FHIT: variants seen among roughly 807,000 people sequenced by gnomAD.
FHIT encodes the protein fragile histidine triad diadenosine triphosphatase.
A neutral mutation model predicts 17.9 loss-of-function variants in FHIT; 19 were observed. The ratio of observed to expected loss-of-function variants is 1.06; its 90% confidence interval spans 0.74 to 1.56. The LOEUF (loss-of-function observed/expected upper bound fraction) is 1.56. Ranked by LOEUF, FHIT falls within the 40% of genes most tolerant of loss-of-function variation. The probability of loss-of-function intolerance (pLI) is 0.00; values close to 1 mark genes in which losing one functional copy is unlikely to be tolerated. For missense variants in FHIT, 248 were observed against 189.2 expected, an observed-to-expected ratio of 1.31 and a Z score of -1.82; for synonymous variants, 81 against 69.7, an observed-to-expected ratio of 1.16 and a Z score of -0.81.
chr3:60,013,510 T>C (rs1700218997), intron 6 of FHIT, among the ~76,000 whole-genome samples: 1 of 152,210 alleles, frequency 6.6e-6, no homozygotes, highest in South Asian at 2.1e-4. Flanking sequence ...GGGGATCTGA[T>C]TTCTTCACTG....
At chr3:60,912,050 C>T (rs1553766017) in intron 3 of FHIT, among the ~76,000 whole-genome samples, 1 of 93,756 alleles carries the variant, frequency 1.1e-5, no homozygotes, top group Admixed American at 9.3e-5. Context: ...CACACACACA[C>T]ACATACACAC....
intron 2 of FHIT, among the ~76,000 whole-genome samples, chr3:61,103,525 A>G (rs898256354): frequency 1.3e-5 from 2 of 152,164 alleles, no homozygotes; most frequent in African/African-American, 4.8e-5. Flanking sequence ...AAGAATGTAT[A>G]TTCTGTTGAT....
chr3:60,568,978 CTTT>C (rs11370343), intron 4 of FHIT, among the ~76,000 whole-genome samples: 4 of 146,292 alleles, frequency 2.7e-5, no homozygotes, highest in East Asian at 4.0e-4. Context: ...GCTAGAGATT[CTTT>C]TTTTTTTTTT....
intron 8 of FHIT, among the ~76,000 whole-genome samples, chr3:59,858,620 G>A (rs1005990195): frequency 6.6e-6 from 1 of 152,048 alleles, no homozygotes. Flanking sequence ...AGCCTGCTCT[G>A]TAACTGAACA....
Position 59,970,421 on chromosome 3 carries a change from C to T in FHIT, c.279+40950G>A, listed in dbSNP as rs1171009311. Among the ~76,000 whole-genome samples, 4 of 152,104 alleles carry T rather than the reference C, an allele frequency of 2.6e-5. No individual in the cohort carries two copies. The East Asian group carries it at 7.7e-4, about 29-fold the overall frequency. ...ACTGAACACAAACACAAGGGTGTTGCTTACTATTGTCAGTAAGTGGTGGGA... is the reference window on the plus strand; with the variant it reads ...ACTGAACACAAACACAAGGGTGTTGTTTACTATTGTCAGTAAGTGGTGGGA... On this transcript the variant is annotated intron_variant, in intron 7 of 9. Coordinates refer to ENST00000492590, the MANE Select transcript of FHIT (RefSeq NM_002012.4).
At chr3:59,908,103 A>G (rs1164315543) in intron 8 of FHIT, among the ~76,000 whole-genome samples, 1 of 152,194 alleles carries the variant, frequency 6.6e-6, no homozygotes, top group African/African-American at 2.4e-5. Context: ...ACCATCTAAC[A>G]TATTTACAGG....
intron 2 of FHIT, among the ~76,000 whole-genome samples, chr3:61,117,233 G>A (rs2036323759): frequency 1.3e-5 from 2 of 152,246 alleles, no homozygotes; most frequent in Admixed American, 6.5e-5. Flanking sequence ...CATCTTTTAA[G>A]CAACATGAGA....
At chr3:60,874,559 A>G (rs1359219240) in intron 3 of FHIT, among the ~76,000 whole-genome samples, 10 of 152,156 alleles carry the variant, frequency 6.6e-5, no homozygotes, top group African/African-American at 2.2e-4. Flanking sequence ...TCTACTTCTA[A>G]CGGAGAACTA....
chr3:60,197,885 T>C (rs1192296506), intron 5 of FHIT, among the ~76,000 whole-genome samples: 2 of 152,170 alleles, frequency 1.3e-5, no homozygotes, highest in Admixed American at 1.3e-4. Context: ...ACAGCAGCTT[T>C]GTAACTTCAC....
intron 3 of FHIT, among the ~76,000 whole-genome samples, chr3:60,842,209 C>T (rs1390606335): frequency 6.6e-6 from 1 of 152,122 alleles, no homozygotes; most frequent in Non-Finnish European, 1.5e-5. Flanking sequence ...ACAGAATTGA[C>T]ACCAGTGAAT....
chr3:60,453,545 T>C (rs2031887655), intron 5 of FHIT, among the ~76,000 whole-genome samples: 1 of 152,146 alleles, frequency 6.6e-6, no homozygotes, highest in Non-Finnish European at 1.5e-5. Flanking sequence ...AACAGGAAGT[T>C]GTAAAACATA....
intron 5 of FHIT, among the ~76,000 whole-genome samples, chr3:60,315,266 A>G (rs114924262): frequency 0.01 from 1,578 of 152,252 alleles, 26 homozygotes; most frequent in South Asian, 0.067. Flanking sequence ...CTATTGTGTT[A>G]TGGAGTAGTT....
At chr3:60,239,582 C>A (rs1219474122) in intron 5 of FHIT, among the ~76,000 whole-genome samples, 2 of 152,032 alleles carry the variant, frequency 1.3e-5, no homozygotes, top group African/African-American at 2.4e-5. Context: ...AAAACAGAAT[C>A]TTTTTGTTTT....
chr3:60,683,016 G>A (rs1056403160), intron 4 of FHIT, among the ~76,000 whole-genome samples: 7 of 152,126 alleles, frequency 4.6e-5, no homozygotes, highest in African/African-American at 1.2e-4. Context: ...AAGAAATAGC[G>A]ACAACTAGAA....
At chr3:61,037,126 T>C (rs1363585721) in intron 3 of FHIT, among the ~76,000 whole-genome samples, 1 of 152,136 alleles carries the variant, frequency 6.6e-6, no homozygotes, top group Admixed American at 6.5e-5. Context: ...TTAGCCAGGA[T>C]GGTCTCGATC....
At chr3:60,324,235 GGTCCTATAACCCCAGA>G (rs1709570460) in intron 5 of FHIT, among the ~76,000 whole-genome samples, 1 of 151,996 alleles carries the variant, frequency 6.6e-6, no homozygotes, top group South Asian at 2.1e-4. Context: ...CCAAAACCCT[GGTCCTATAACCCCAGA>G]GTCCCTGTTT....
At chr3:59,956,535 G>A (rs1707408477) in intron 7 of FHIT, among the ~76,000 whole-genome samples, 2 of 152,124 alleles carry the variant, frequency 1.3e-5, no homozygotes, top group African/African-American at 4.8e-5. Flanking sequence ...GGGCTTGGTG[G>A]TGTGCATCTA....
intron 5 of FHIT, among the ~76,000 whole-genome samples, chr3:60,322,703 C>G (rs537393857): frequency 1.3e-5 from 2 of 152,098 alleles, no homozygotes; most frequent in African/African-American, 4.8e-5. Context: ...TAAGTACAAT[C>G]GTATGATCAC....
chr3:60,370,324 T>C (rs996070912), intron 5 of FHIT, among the ~76,000 whole-genome samples: 1 of 152,202 alleles, frequency 6.6e-6, no homozygotes, highest in Admixed American at 6.5e-5. Context: ...TTCAATACAC[T>C]TTCAGCTATC....
Sources: allele counts gnomAD v4.1 joint callset (sites outside exome capture counted in the v4.1 genomes callset), GRCh38; gene constraint gnomAD v4.1.1; transcripts MANE v1.5; gene names NCBI Gene and HGNC (gene_info 2026-07-23, HGNC 2026-07-21).